Variants in PXDNL observed in about 807,000 individuals in gnomAD.
PXDNL encodes the protein probable oxidoreductase PXDNL.
In PXDNL, 145 loss-of-function variants were observed where a neutral mutation model predicts 150.8. That is an observed-to-expected ratio of 0.96 (90% confidence interval 0.84 to 1.10). PXDNL has a LOEUF of 1.10. Among genes scored for constraint, PXDNL ranks in the 50% least tolerant of loss-of-function variants. The pLI is 0.00. For missense variants in PXDNL, 2,087 were observed against 1,873.9 expected, an observed-to-expected ratio of 1.11 and a Z score of -2.10; for synonymous variants, 757 against 725.7, an observed-to-expected ratio of 1.04 and a Z score of -0.69.
intron 1 of PXDNL, among the ~76,000 whole-genome samples, chr8:51,758,020 T>C (rs1167537351): frequency 2.0e-5 from 3 of 152,208 alleles, no homozygotes; most frequent in South Asian, 2.1e-4. Flanking sequence ...CTTTGAAAAG[T>C]TTTTTTAATA....
At chr8:51,761,221 T>C (rs2037163656) in intron 1 of PXDNL, among the ~76,000 whole-genome samples, 1 of 151,918 alleles carries the variant, frequency 6.6e-6, no homozygotes, top group African/African-American at 2.4e-5. Context: ...ATGAGAGGCA[T>C]TACTTGATAT....
intron 12 of PXDNL, among the ~76,000 whole-genome samples, chr8:51,443,031 T>A (rs1465532004): frequency 6.6e-6 from 1 of 152,148 alleles, no homozygotes; most frequent in African/African-American, 2.4e-5. Context: ...GTGGAATAAT[T>A]AACAACCTCT....
intron 2 of PXDNL, among the ~76,000 whole-genome samples, chr8:51,645,089 G>C (rs763891696): frequency 8.5e-5 from 13 of 152,158 alleles, no homozygotes; most frequent in Non-Finnish European, 1.5e-4. Context: ...CTGAAGGCCT[G>C]AGAGCTGGCC....
intron 1 of PXDNL, among the ~76,000 whole-genome samples, chr8:51,794,361 C>A (rs2037540944): frequency 6.6e-6 from 1 of 152,116 alleles, no homozygotes; most frequent in Non-Finnish European, 1.5e-5. Context: ...GACACACAGT[C>A]ATCAGATTCT....
chr8:51,340,565 T>C (rs1335060202), intron 20 of PXDNL, among the ~76,000 whole-genome samples: 1 of 152,254 alleles, frequency 6.6e-6, no homozygotes. Flanking sequence ...GAAATATGTC[T>C]TCCATTGTTT....
intron 6 of PXDNL, among the ~76,000 whole-genome samples, chr8:51,478,519 T>C (rs1366480406): frequency 6.6e-6 from 1 of 152,184 alleles, no homozygotes; most frequent in Non-Finnish European, 1.5e-5. Context: ...CAAAACAAAA[T>C]CAAAAACATT....
At chr8:51,562,617 A>C (rs1383372510) in intron 3 of PXDNL, among the ~76,000 whole-genome samples, 1 of 151,996 alleles carries the variant, frequency 6.6e-6, no homozygotes, top group African/African-American at 2.4e-5. Flanking sequence ...GAGGGGAGCA[A>C]TGAAAAGCCT....
At chr8:51,581,663 A>G (rs754535944) in intron 3 of PXDNL, among the ~76,000 whole-genome samples, 1 of 152,174 alleles carries the variant, frequency 6.6e-6, no homozygotes, top group South Asian at 2.1e-4. Context: ...CATCAGGGAT[A>G]CTGGCTTGCA....
At chr8:51,398,271 C>G (rs1410239910) in intron 17 of PXDNL, among the ~76,000 whole-genome samples, 1 of 152,152 alleles carries the variant, frequency 6.6e-6, no homozygotes, top group Non-Finnish European at 1.5e-5. Flanking sequence ...CAGCTGCACT[C>G]GAGGCTGCCA....
intron 4 of PXDNL, among the ~76,000 whole-genome samples, chr8:51,533,980 T>C (rs1222000205): frequency 3.7e-4 from 54 of 146,680 alleles, no homozygotes; most frequent in East Asian, 2.0e-3. Context: ...TCTGCCTGGC[T>C]GCCCAGTCTG....
At chr8:51,349,303 A>G (rs769491835) in intron 19 of PXDNL, among the ~76,000 whole-genome samples, 9 of 152,126 alleles carry the variant, frequency 5.9e-5, no homozygotes, top group Admixed American at 5.2e-4. Flanking sequence ...GTTCTTCCCT[A>G]TGCAGCACCT....
intron 19 of PXDNL, among the ~76,000 whole-genome samples, chr8:51,366,056 C>T (rs28762508): frequency 0.013 from 2,002 of 152,244 alleles, 39 homozygotes; most frequent in African/African-American, 0.045. Flanking sequence ...TTGACATTTA[C>T]GATGATGACA....
chr8:51,626,740 A>C (rs1814368093), intron 2 of PXDNL, among the ~76,000 whole-genome samples: 1 of 152,186 alleles, frequency 6.6e-6, no homozygotes, highest in South Asian at 2.1e-4. Flanking sequence ...ATTTTGACAA[A>C]TATTTAATTT....
In PXDNL at chr8:51,411,385, G is replaced by T. The variant is rs375060256; in HGVS notation, c.1927C>A (p.Leu643Met). 9 of 1,571,304 alleles carry T rather than the reference G, an allele frequency of 5.7e-6. No homozygotes were observed. In the African/African-American group the frequency reaches 1.2e-4, roughly 22 times the overall value. ...FSQKPHTSSD[L>M]LAQFHYPRDP... The stretch of plus-strand genomic sequence containing the variant: ...CGCGGGTAATGAAATTGAGCCAGCA[G>T]GTCACTGGAGGTGTGAGGTTTTCTG... Residue 643 changes from leucine (L) to methionine (M), a missense_variant, in exon 16 of 23, where the codon CTG (leucine) becomes ATG (methionine). By Grantham distance (15) the Leu-to-Met change is conservative (BLOSUM62 2). Coordinates refer to ENST00000356297, the MANE Select transcript of PXDNL (RefSeq NM_144651.5).
chr8:51,642,562 A>T (rs1044020538), intron 2 of PXDNL, among the ~76,000 whole-genome samples: 9 of 152,126 alleles, frequency 5.9e-5, no homozygotes, highest in African/African-American at 2.2e-4. Context: ...AGAGTTATTT[A>T]TGACAAACCC....
intron 1 of PXDNL, among the ~76,000 whole-genome samples, chr8:51,683,333 G>A (rs530989347): frequency 6.6e-6 from 1 of 150,712 alleles, no homozygotes; most frequent in Non-Finnish European, 1.5e-5. Context: ...GTGACATTAA[G>A]CGATTTTTCA....
chr8:51,641,047 G>A (rs187388540), intron 2 of PXDNL, among the ~76,000 whole-genome samples: 4 of 151,938 alleles, frequency 2.6e-5, no homozygotes, highest in Admixed American at 6.6e-5. Flanking sequence ...CAGAAATAAC[G>A]CCACATATCT....
intron 12 of PXDNL, 93 bp from the exon 13 acceptor site, chr8:51,426,851 A>G: frequency 1.4e-6 from 1 of 701,628 alleles, no homozygotes; most frequent in Non-Finnish European, 2.5e-6. Context: ...TGAATGCCAT[A>G]TTGGTTAAGC....
chr8:51,576,626 C>T (rs1299212355), intron 3 of PXDNL, among the ~76,000 whole-genome samples: 1 of 151,080 alleles, frequency 6.6e-6, no homozygotes, highest in Admixed American at 6.6e-5. Context: ...AATACAAGAG[C>T]AAAATGAACT....
Sources: allele counts gnomAD v4.1 joint callset (sites outside exome capture counted in the v4.1 genomes callset), GRCh38; gene constraint gnomAD v4.1.1; transcripts MANE v1.5; gene names NCBI Gene and HGNC (gene_info 2026-07-23, HGNC 2026-07-21).